COPG2: variants seen among roughly 807,000 people sequenced by gnomAD.
COPG2 encodes coatomer subunit gamma-2.
COPG2 carries 37 observed loss-of-function variants against 46.3 expected under a neutral mutation model. The ratio of observed to expected loss-of-function variants is 0.80; its 90% CI spans 0.61 to 1.05. The LOEUF (loss-of-function observed/expected upper bound fraction) is 1.05. Ranked by LOEUF, COPG2 falls within the 50% of genes least tolerant of loss-of-function variation. The pLI, the probability that COPG2 is intolerant of heterozygous loss-of-function variation, is 0.00. For synonymous variants in COPG2, 159 were observed against 129.7 expected (o/e 1.23, Z -1.53); for missense variants, 427 against 387.8 (o/e 1.10, Z -0.85).
chr7:130,614,813 G>A (rs1261196655), intron 6 of COPG2, among the ~76,000 whole-genome samples: 2 of 152,140 alleles, frequency 1.3e-5, no homozygotes, highest in African/African-American at 4.8e-5. Flanking sequence ...TATTTCATAG[G>A]GAAGTTGAAG....
At chr7:130,563,949 G>GT (rs1260923364) in intron 10 of COPG2, among the ~76,000 whole-genome samples, 1 of 151,324 alleles carries the variant, frequency 6.6e-6, no homozygotes, top group Non-Finnish European at 1.5e-5. Context: ...ACTGTAAAAT[G>GT]TTTTCAAAAG....
At chr7:130,643,288 G>C (rs1370422701) in intron 5 of COPG2, among the ~76,000 whole-genome samples, 1 of 148,156 alleles carries the variant, frequency 6.7e-6, no homozygotes, top group Admixed American at 6.7e-5. Flanking sequence ...GAGCGAGACT[G>C]TGTCTCAAAA....
chr7:130,647,377 C>T (rs1229920088), intron 5 of COPG2, among the ~76,000 whole-genome samples: 2 of 152,108 alleles, frequency 1.3e-5, no homozygotes, highest in African/African-American at 4.8e-5. Context: ...TGGACTAATA[C>T]AAACTCCATG....
intron 20 of COPG2, among the ~76,000 whole-genome samples, chr7:130,517,259 C>T (rs1051923076): frequency 5.3e-5 from 8 of 152,188 alleles, no homozygotes; most frequent in Non-Finnish European, 1.0e-4. Context: ...GAGTAAAGGA[C>T]CATCGTATAA....
intron 20 of COPG2, among the ~76,000 whole-genome samples, chr7:130,515,057 A>G (rs1167651320): frequency 1.3e-5 from 2 of 152,174 alleles, no homozygotes; most frequent in Non-Finnish European, 2.9e-5. Context: ...GCTTCTTAGA[A>G]TGTGTTACAT....
intron 20 of COPG2, among the ~76,000 whole-genome samples, chr7:130,513,320 T>A (rs1355179289): frequency 2.3e-4 from 10 of 43,980 alleles, no homozygotes; most frequent in East Asian, 7.0e-4. Flanking sequence ...TATATATATA[T>A]ATATATATAT....
At chr7:130,516,664 G>A (rs1289936954) in intron 20 of COPG2, among the ~76,000 whole-genome samples, 1 of 152,204 alleles carries the variant, frequency 6.6e-6, no homozygotes, top group Non-Finnish European at 1.5e-5. Context: ...GCATTAAAGA[G>A]GGCTAAATGG....
At chr7:130,613,801 A>G (rs1388462179) in intron 6 of COPG2, among the ~76,000 whole-genome samples, 165 bp from the exon 7 acceptor site, 1 of 152,250 alleles carries the variant, frequency 6.6e-6, no homozygotes, top group African/African-American at 2.4e-5. Flanking sequence ...CCCAAAGGGC[A>G]GAACCCAAAC....
intron 9 of COPG2, among the ~76,000 whole-genome samples, chr7:130,594,956 G>C (rs1437732990): frequency 4.6e-5 from 7 of 152,190 alleles, no homozygotes; most frequent in African/African-American, 1.7e-4. Flanking sequence ...CAGTTTGGCA[G>C]TTCCTCAAAA....
chr7:130,629,039 C>A (rs1554454740), intron 5 of COPG2, among the ~76,000 whole-genome samples: 1 of 152,078 alleles, frequency 6.6e-6, no homozygotes. Flanking sequence ...ATTAGTAAGT[C>A]TTTACTTTTC....
chr7:130,613,764 A>G lies in COPG2; in HGVS notation c.400-128T>C. 3 of 660,884 alleles carry G rather than the reference A, an allele frequency of 4.5e-6. No individual in the cohort carries two copies. The South Asian group carries it at 5.4e-5, about 12-fold the overall frequency. The allele number at this position is 660,884 out of a possible 1,614,324, so 40.9% of individuals were successfully genotyped here. A position where few individuals can be genotyped will look rare whatever the true frequency, so the allele number is the denominator to read the frequency against. On this transcript the variant is annotated intron_variant, in intron 6 of 23. Transcript: ENST00000425248. Reference sequence around the variant, plus strand: ...TCTGTGCAAATATTCAGAATGCACTAAAAGGATGATAATATAGTAATAATA... The same window carrying G: ...TCTGTGCAAATATTCAGAATGCACTGAAAGGATGATAATATAGTAATAATA...
At chr7:130,606,240 AAGAGAGAG>A (rs145785936) in intron 9 of COPG2, among the ~76,000 whole-genome samples, 4 of 149,110 alleles carry the variant, frequency 2.7e-5, no homozygotes, top group Non-Finnish European at 4.4e-5. Context: ...AAAAAAAAGA[AAGAGAGAG>A]AGAGAGAGAG....
intron 5 of COPG2, among the ~76,000 whole-genome samples, chr7:130,648,192 A>G (rs1795656994): frequency 6.6e-6 from 1 of 152,098 alleles, no homozygotes. Flanking sequence ...ATGCATACAG[A>G]AAGGTCATCT....
At chr7:130,547,365 T>G (rs1793461512) in intron 20 of COPG2, 1 of 259,662 alleles carries the variant, frequency 3.9e-6, no homozygotes. Flanking sequence ...CTCTCACAAG[T>G]GGTCACATTA....
intron 9 of COPG2, among the ~76,000 whole-genome samples, chr7:130,578,557 G>T (rs1384244829): frequency 6.6e-6 from 1 of 150,590 alleles, no homozygotes; most frequent in African/African-American, 2.4e-5. Flanking sequence ...TCTGAGCTAC[G>T]GGAGGACATT....
chr7:130,550,432 A>AT lies in COPG2; in HGVS notation c.1774+91_1774+92insA, dbSNP rs1491172890. The AT allele has an allele frequency of 5.7e-5, 16 of 282,728 alleles. No individual in the cohort carries two copies. The Admixed American group carries it at 6.8e-4, about 12-fold the overall frequency. The allele number at this position is 282,728 out of a possible 1,614,324, so 17.5% of individuals were successfully genotyped here. On this transcript the variant is annotated intron_variant, in intron 17 of 23. Transcript: ENST00000425248. ...ATCTCAAAAAAAAAAAAAAAAAAAA[A>AT]GAGTGACAATTAAATGAGTATTAGA...
chr7:130,533,257 T>C (rs1799846396), intron 20 of COPG2, among the ~76,000 whole-genome samples: 1 of 151,656 alleles, frequency 6.6e-6, no homozygotes, highest in Non-Finnish European at 1.5e-5. Flanking sequence ...AAGCAAAATA[T>C]TCACAAGGAG....
At chr7:130,515,286 G>A (rs997989666) in intron 20 of COPG2, among the ~76,000 whole-genome samples, 17 of 152,214 alleles carry the variant, frequency 1.1e-4, no homozygotes, top group Admixed American at 3.3e-4. Flanking sequence ...CAATCATGGC[G>A]GCAGGTGAAT....
chr7:130,522,992 G>A (rs1319502011), intron 20 of COPG2, among the ~76,000 whole-genome samples: 1 of 151,684 alleles, frequency 6.6e-6, no homozygotes, highest in Non-Finnish European at 1.5e-5. Context: ...GGTGGTGGAT[G>A]CCTGTAATCC....
Sources: allele counts gnomAD v4.1 joint callset (sites outside exome capture counted in the v4.1 genomes callset), GRCh38; gene constraint gnomAD v4.1.1; transcripts MANE v1.5; gene names NCBI Gene and HGNC (gene_info 2026-07-23, HGNC 2026-07-21).